The following LPAR3 variants were observed in gnomAD, a reference collection of about 807,000 sequenced individuals.
The protein encoded by LPAR3 is lysophosphatidic acid receptor 3, also known as LPA receptor 3.
LPAR3 carries 7 observed loss-of-function variants against 17.8 expected under a neutral mutation model. The ratio of observed to expected loss-of-function variants is 0.39; its 90% confidence interval spans 0.22 to 0.74. The LOEUF (loss-of-function observed/expected upper bound fraction) is 0.74. LPAR3 is among the 30% of genes least tolerant of loss of function. The pLI, the probability that LPAR3 is intolerant of heterozygous loss-of-function variation, is 0.40. For missense variants in LPAR3, 391 were observed against 453.4 expected (o/e 0.86, Z 1.25); for synonymous variants, 179 against 179.9 (o/e 0.99, Z 0.04).
At chr1:84,883,719 T>C (rs1463706566) in intron 1 of LPAR3, among the ~76,000 whole-genome samples, 1 of 151,948 alleles carries the variant, frequency 6.6e-6, no homozygotes, top group Non-Finnish European at 1.5e-5. Flanking sequence ...AGGGATTTTT[T>C]TGTTTTTTTT....
chr1:84,865,995 C>A lies in LPAR3; in HGVS notation c.126G>T (p.Leu42=). Residue 42 remains leucine, a synonymous_variant, in exon 2 of 3, where the codon CTG becomes CTT. Coordinates refer to ENST00000370611, the MANE Select transcript of LPAR3 (RefSeq NM_012152.3). ...CCAGAGAATTAGAAAAAAAAATAAA[C>A]AGGCAGAAAAACGTCCCAACACACA... ...IVLCVGTFFC[L]FIFFSNSLVI... 6.2e-7 allele frequency: 1 copy of A among 1,614,056 alleles called. No homozygotes were observed. Among genetic ancestry groups the A allele is most frequent in the Non-Finnish European group, 8.5e-7 (1 of 1,179,986 alleles).
intron 1 of LPAR3, among the ~76,000 whole-genome samples, chr1:84,885,681 G>A (rs1020913389): frequency 1.3e-5 from 2 of 152,196 alleles, no homozygotes; most frequent in Admixed American, 1.3e-4. Flanking sequence ...AGGGACTGGA[G>A]ACTGATGATT....
chr1:84,865,460 A>G lies in LPAR3; in HGVS notation c.661T>C (p.Ser221Pro), dbSNP rs1660022708. The change falls in exon 2 of 3, where the codon TCT (serine) becomes CCT (proline). Residue 221 changes from serine (S) to proline (P), a missense_variant. By Grantham distance (74) the Ser-to-Pro change is moderately conservative (BLOSUM62 -1). Transcript: ENST00000370611. ...VYVKRKTNVL[S>P]PHTSGSISRR... Reference sequence around the variant, plus strand: ...CTGATGGACCCACTTGTATGCGGAGACAAGACGTTGGTTTTCCTCTTGACG... The same window carrying G: ...CTGATGGACCCACTTGTATGCGGAGGCAAGACGTTGGTTTTCCTCTTGACG... The G allele has an allele frequency of 6.2e-7, 1 of 1,614,146 alleles. No individual in the cohort carries two copies. The highest frequency in any genetic ancestry group is 8.5e-7 in the Non-Finnish European group (1 of 1,180,036).
intron 1 of LPAR3, among the ~76,000 whole-genome samples, chr1:84,866,574 C>T (rs189493991): frequency 6.6e-6 from 1 of 152,304 alleles, no homozygotes; most frequent in East Asian, 1.9e-4. Context: ...TATGTTAATG[C>T]CTCCTCCTGG....
chr1:84,816,310 T>C (rs1369141327), intron 2 of LPAR3, among the ~76,000 whole-genome samples: 1 of 152,222 alleles, frequency 6.6e-6, no homozygotes, highest in Non-Finnish European at 1.5e-5. Context: ...TTGAGTTTTA[T>C]GGAGAGTTAA....
Position 84,865,831 on chromosome 1 carries a change from A to C in LPAR3, c.290T>G (p.Leu97Trp), listed in dbSNP as rs1409152024. ...ACGGAGAAACCAGCGGTTGACAGTC[A>C]AAGTTTTTGAAACTGGGCCTGTGTT... The part of the protein sequence containing the change: ...MFNTGPVSKT[L>W]TVNRWFLRQG... Residue 97 changes from leucine (L) to tryptophan (W), a missense_variant, in exon 2 of 3, where the codon TTG (leucine) becomes TGG (tryptophan). Coordinates refer to ENST00000370611, the MANE Select transcript of LPAR3 (RefSeq NM_012152.3). 1 of 1,614,130 alleles carries C rather than the reference A, an allele frequency of 6.2e-7. No homozygotes were observed. Among genetic ancestry groups the C allele is most frequent in the Non-Finnish European group, 8.5e-7 (1 of 1,180,052 alleles).
chr1:84,881,984 G>A (rs145929434), intron 1 of LPAR3, among the ~76,000 whole-genome samples: 30 of 152,284 alleles, frequency 2.0e-4, no homozygotes, highest in African/African-American at 7.2e-4. Flanking sequence ...CCCAGCCACA[G>A]CAATTAGGCA....
chr1:84,829,377 A>G (rs1449920913), intron 2 of LPAR3, among the ~76,000 whole-genome samples: 1 of 151,766 alleles, frequency 6.6e-6, no homozygotes, highest in African/African-American at 2.4e-5. Flanking sequence ...ATGTCTACCA[A>G]ATTCTCTGAG....
Position 84,866,008 on chromosome 1 carries a change from G to A in LPAR3, c.113C>T (p.Thr38Met), listed in dbSNP as rs751975084. ...AAAAAAAATAAACAGGCAGAAAAAC[G>A]TCCCAACACACAAAACAATCACAAG... ...TKLVIVLCVG[T>M]FFCLFIFFSN... Residue 38 changes from threonine to methionine, a missense_variant, in exon 2 of 3, where the codon ACG becomes ATG. Thr to Met is a moderately conservative substitution (Grantham distance 81). Transcript: ENST00000370611. 1.4e-5 allele frequency: 22 copies of A among 1,614,002 alleles called. No homozygotes were observed. Among genetic ancestry groups the A allele is most frequent in the Middle Eastern group, 3.3e-4 (2 of 6,084 alleles).
chr1:84,844,451 T>G (rs1274292635), intron 2 of LPAR3, among the ~76,000 whole-genome samples: 1 of 152,306 alleles, frequency 6.6e-6, no homozygotes, highest in African/African-American at 2.4e-5. Flanking sequence ...TGAAGGACAA[T>G]TTAGAGATAG....
chr1:84,819,309 G>T (rs1489480271), intron 2 of LPAR3, among the ~76,000 whole-genome samples: 1 of 152,172 alleles, frequency 6.6e-6, no homozygotes, highest in Non-Finnish European at 1.5e-5. Flanking sequence ...ACTGGAGCTG[G>T]GTGGGGCCTT....
chr1:84,856,796 G>T (rs1181367938), intron 2 of LPAR3, among the ~76,000 whole-genome samples: 1 of 152,184 alleles, frequency 6.6e-6, no homozygotes, highest in African/African-American at 2.4e-5. Context: ...TGTTGGTGCT[G>T]TATCACAGGA....
At chr1:84,883,150 G>C (rs1249297161) in intron 1 of LPAR3, among the ~76,000 whole-genome samples, 1 of 152,194 alleles carries the variant, frequency 6.6e-6, no homozygotes, top group Non-Finnish European at 1.5e-5. Context: ...AGTGAATGAC[G>C]TAGCAAATGT....
chr1:84,827,638 C>T (rs1659189192), intron 2 of LPAR3, among the ~76,000 whole-genome samples: 1 of 152,124 alleles, frequency 6.6e-6, no homozygotes, highest in Non-Finnish European at 1.5e-5. Context: ...GTCCCTGTGC[C>T]CCTAACAGGC....
In LPAR3 at chr1:84,813,516, A is replaced by G; in HGVS notation, c.*330T>C. The G allele has an allele frequency of 4.1e-6, 1 of 245,092 alleles. No individual in the cohort carries two copies. The highest frequency in any genetic ancestry group is 8.0e-6 in the Non-Finnish European group (1 of 125,192). The allele number at this position is 245,092 out of a possible 1,614,324, so 15.2% of individuals were successfully genotyped here. ...GATTTATTTTGGTCTAAGCCCTTTC[A>G]TAACGTCCTTTTAAAATACAAAGAG... On this transcript the variant is annotated 3_prime_UTR_variant, in exon 3 of 3. Transcript: ENST00000370611.
chr1:84,847,153 G>A (rs990235458), intron 2 of LPAR3, among the ~76,000 whole-genome samples: 2 of 151,922 alleles, frequency 1.3e-5, no homozygotes, highest in African/African-American at 2.4e-5. Context: ...TACTCCCCTC[G>A]GGCTCAATGT....
chr1:84,880,977 T>C (rs538107508), intron 1 of LPAR3, among the ~76,000 whole-genome samples: 187 of 152,344 alleles, frequency 1.2e-3, no homozygotes, highest in Non-Finnish European at 1.5e-3. Context: ...CAGCAGGGTT[T>C]CGTCATTTTT....
intron 2 of LPAR3, among the ~76,000 whole-genome samples, chr1:84,821,450 T>C (rs1659052071): frequency 6.6e-6 from 1 of 152,158 alleles, no homozygotes; most frequent in Admixed American, 6.5e-5. Flanking sequence ...TATTTTAGAG[T>C]AAATTTTTAT....
At chr1:84,861,177 C>T (rs1294083864) in intron 2 of LPAR3, among the ~76,000 whole-genome samples, 1 of 152,202 alleles carries the variant, frequency 6.6e-6, no homozygotes, top group African/African-American at 2.4e-5. Flanking sequence ...TCCACATAAT[C>T]AGAACCAGTG....
Sources: gnomAD v4.1 joint callset for allele counts (sites outside exome capture counted in the v4.1 genomes callset) on GRCh38, gnomAD v4.1.1 for gene constraint, MANE v1.5 for transcripts, NCBI Gene and HGNC (gene_info 2026-07-23, HGNC 2026-07-21) for gene names.